Variants in SIPA1L1 observed in about 807,000 individuals in gnomAD.
SIPA1L1 encodes the protein signal induced proliferation associated 1 like 1.
SIPA1L1 carries 26 observed loss-of-function variants against 162.7 expected under a neutral mutation model. That is an observed-to-expected ratio of 0.16 (90% confidence interval 0.12 to 0.22). SIPA1L1 has a LOEUF of 0.22. Ranked by LOEUF, SIPA1L1 falls within the 10% of genes least tolerant of loss-of-function variation. The pLI is 1.00. For synonymous variants in SIPA1L1, 829 were observed against 837.4 expected (o/e 0.99, Z 0.17); for missense variants, 1,874 against 2,241.0 (o/e 0.84, Z 3.31).
chr14:71,584,082 C>G (rs1205921245), intron 4 of SIPA1L1, among the ~76,000 whole-genome samples: 1 of 152,102 alleles, frequency 6.6e-6, no homozygotes, highest in Non-Finnish European at 1.5e-5. Flanking sequence ...ATACCCCTTT[C>G]CAGAAATATG....
chr14:71,452,273 G>C (rs184842395), intron 2 of SIPA1L1, among the ~76,000 whole-genome samples: 34 of 151,566 alleles, frequency 2.2e-4, no homozygotes, highest in African/African-American at 7.8e-4. Flanking sequence ...GCCTGCTTTT[G>C]AACTTTATAA....
At chr14:71,419,216 G>T (rs2043002837) in intron 2 of SIPA1L1, among the ~76,000 whole-genome samples, 1 of 151,582 alleles carries the variant, frequency 6.6e-6, no homozygotes, top group Non-Finnish European at 1.5e-5. Flanking sequence ...AGAGCTAACG[G>T]ACTTTGTTTT....
chr14:71,599,953 G>C (rs113769158), intron 5 of SIPA1L1, among the ~76,000 whole-genome samples: 2 of 151,908 alleles, frequency 1.3e-5, no homozygotes, highest in Non-Finnish European at 2.9e-5. Flanking sequence ...TGTTTTAATA[G>C]GATTATTTGT....
chr14:71,390,876 GA>G (rs369897139), intron 2 of SIPA1L1, among the ~76,000 whole-genome samples: 202 of 152,130 alleles, frequency 1.3e-3, no homozygotes, highest in African/African-American at 4.4e-3. Flanking sequence ...CAGAGGAAGT[GA>G]AAAAAATCTC....
rs1343681778 is a variant in SIPA1L1, at chr14:71,417,550, G to A, written c.-464-95193G>A. Among the ~76,000 whole-genome samples, 3 of 143,982 alleles carry A rather than the reference G, an allele frequency of 2.1e-5. No homozygotes were observed. In the East Asian group the frequency reaches 6.2e-4, roughly 30 times the overall value. 94.5% of individuals were successfully genotyped at this position (143,982 alleles called of 152,430 possible). ...ATATATTTGCTATTCATTAATGGAAGTGGATCATAAAGGTCTTTATCCTCA... is the reference window on the plus strand; with the variant it reads ...ATATATTTGCTATTCATTAATGGAAATGGATCATAAAGGTCTTTATCCTCA... On this transcript the variant is annotated intron_variant, in intron 2 of 23. Coordinates refer to ENST00000381232, the MANE Select transcript of SIPA1L1 (RefSeq NM_001386936.1).
chr14:71,626,021 TAAG>T (rs1224565310), intron 7 of SIPA1L1, among the ~76,000 whole-genome samples: 1 of 152,174 alleles, frequency 6.6e-6, no homozygotes, highest in Non-Finnish European at 1.5e-5. Flanking sequence ...ATGGGAAAGA[TAAG>T]AACACTATAA....
intron 2 of SIPA1L1, among the ~76,000 whole-genome samples, chr14:71,495,886 C>CAAAAAAAAA (rs61183823): frequency 1.1e-3 from 41 of 38,006 alleles, no homozygotes; most frequent in South Asian, 2.4e-3. Context: ...TCCATCTCTA[C>CAAAAAAAAA]AAAAAAAAAA....
intron 17 of SIPA1L1, among the ~76,000 whole-genome samples, chr14:71,710,422 C>T (rs760524907): frequency 2.0e-5 from 3 of 152,180 alleles, no homozygotes; most frequent in Non-Finnish European, 2.9e-5. Flanking sequence ...TGTGGTTTCT[C>T]CTTTTATCTT....
At chr14:71,663,266 C>A (rs1387723191) in intron 10 of SIPA1L1, among the ~76,000 whole-genome samples, 1 of 152,136 alleles carries the variant, frequency 6.6e-6, no homozygotes, top group Non-Finnish European at 1.5e-5. Flanking sequence ...ATTATTGTGA[C>A]ATCTTACATG....
chr14:71,564,524 C>T (rs1343854820), intron 4 of SIPA1L1, among the ~76,000 whole-genome samples: 13 of 124,882 alleles, frequency 1.0e-4, no homozygotes, highest in African/African-American at 3.2e-4. Flanking sequence ...CTCACTCTGT[C>T]GCCCAGGCTG....
intron 7 of SIPA1L1, among the ~76,000 whole-genome samples, chr14:71,631,019 C>T (rs1006061245): frequency 3.3e-5 from 5 of 152,036 alleles, no homozygotes; most frequent in African/African-American, 1.2e-4. Flanking sequence ...CTATCCCTCC[C>T]CCAGCCCCCC....
At chr14:71,431,521 A>G (rs1015716090) in intron 2 of SIPA1L1, among the ~76,000 whole-genome samples, 1 of 151,462 alleles carries the variant, frequency 6.6e-6, no homozygotes, top group Non-Finnish European at 1.5e-5. Context: ...CGTGAGACCT[A>G]GTCTCTACAA....
intron 13 of SIPA1L1, among the ~76,000 whole-genome samples, chr14:71,698,147 C>A (rs1367492217): frequency 6.6e-6 from 1 of 152,186 alleles, no homozygotes; most frequent in Non-Finnish European, 1.5e-5. Flanking sequence ...AAAATACCAT[C>A]GTTACTAAGG....
intron 7 of SIPA1L1, among the ~76,000 whole-genome samples, chr14:71,631,099 C>T (rs912345398): frequency 6.6e-6 from 1 of 152,006 alleles, no homozygotes; most frequent in Non-Finnish European, 1.5e-5. Flanking sequence ...CAGTTCCCAC[C>T]TATGAGTGAG....
chr14:71,690,316 G>A (rs1006180369), intron 13 of SIPA1L1, among the ~76,000 whole-genome samples: 4 of 151,840 alleles, frequency 2.6e-5, no homozygotes, highest in Non-Finnish European at 5.9e-5. Context: ...TTAGCTCACT[G>A]TAAACTCAAA....
chr14:71,572,597 C>G (rs2032285583), intron 4 of SIPA1L1, among the ~76,000 whole-genome samples: 1 of 152,164 alleles, frequency 6.6e-6, no homozygotes, highest in Admixed American at 6.5e-5. Flanking sequence ...AATACCTCTT[C>G]AGGAGACCTA....
At chr14:71,512,040 C>G (rs2051197589) in intron 2 of SIPA1L1, among the ~76,000 whole-genome samples, 2 of 152,150 alleles carry the variant, frequency 1.3e-5, no homozygotes, top group Non-Finnish European at 2.9e-5. Context: ...GTGAGTCCTT[C>G]TAGGAAATTC....
At chr14:71,460,207 G>A (rs150463130) in intron 2 of SIPA1L1, among the ~76,000 whole-genome samples, 4 of 152,322 alleles carry the variant, frequency 2.6e-5, no homozygotes, top group East Asian at 3.9e-4. Flanking sequence ...GGTCGTAGCT[G>A]GTATTGATGA....
intron 5 of SIPA1L1, among the ~76,000 whole-genome samples, chr14:71,607,235 A>G (rs1367720526): frequency 6.6e-6 from 1 of 151,178 alleles, no homozygotes; most frequent in Non-Finnish European, 1.5e-5. Flanking sequence ...TTGCAGATAA[A>G]CTTGCCCAGG....
Sources: gnomAD v4.1 joint callset for allele counts (sites outside exome capture counted in the v4.1 genomes callset) on GRCh38, gnomAD v4.1.1 for gene constraint, MANE v1.5 for transcripts, NCBI Gene and HGNC (gene_info 2026-07-23, HGNC 2026-07-21) for gene names.